Variants in MYOM2 observed in about 807,000 individuals in gnomAD.
MYOM2 encodes the protein myomesin-2.
In MYOM2, 254 loss-of-function variants were observed where a neutral mutation model predicts 187.6. That is an observed-to-expected ratio of 1.35 (90% CI 1.22 to 1.50). The LOEUF (loss-of-function observed/expected upper bound fraction) is 1.50, where lower values mean the gene tolerates loss of function less well. Ranked by LOEUF, MYOM2 falls within the 40% of genes most tolerant of loss-of-function variation. The pLI, the probability that MYOM2 is intolerant of heterozygous loss-of-function variation, is 0.00. For synonymous variants in MYOM2, 981 were observed against 753.8 expected (o/e 1.30, Z -4.94); for missense variants, 2,796 against 1,924.0 (o/e 1.45, Z -8.48).
chr8:2,066,562 A>G (rs1819026245), intron 6 of MYOM2, among the ~76,000 whole-genome samples: 1 of 152,246 alleles, frequency 6.6e-6, no homozygotes, highest in African/African-American at 2.4e-5. Context: ...AGAAGAAGTA[A>G]CATGAGCACA....
intron 31 of MYOM2, 34 bp downstream of exon 31, chr8:2,124,251 G>A (rs1272041892): frequency 5.0e-6 from 8 of 1,592,262 alleles, no homozygotes; most frequent in East Asian, 2.2e-5. Flanking sequence ...CAAGTCATTT[G>A]GGGTGCTGAA....
At chr8:2,088,975 G>A (rs1036687) in intron 14 of MYOM2, among the ~76,000 whole-genome samples, 114,412 of 151,624 alleles carry the variant, frequency 0.75, 44,835 homozygotes, top group South Asian at 0.91. Flanking sequence ...GGTCGCAAGG[G>A]CCTGAGGCCC....
chr8:2,059,741 A>G (rs979374828), intron 6 of MYOM2, among the ~76,000 whole-genome samples: 5 of 102,072 alleles, frequency 4.9e-5, no homozygotes, highest in African/African-American at 1.8e-4. Context: ...CGACACACAC[A>G]CTTTTTTTTT....
At chr8:2,075,015 G>A (rs966529569) in intron 10 of MYOM2, among the ~76,000 whole-genome samples, 1 of 152,264 alleles carries the variant, frequency 6.6e-6, no homozygotes, top group Non-Finnish European at 1.5e-5. Flanking sequence ...CTCCAGTGGG[G>A]TGCAGGACGC....
At chr8:2,097,013 C>T in intron 18 of MYOM2, 1 of 569,396 alleles carries the variant, frequency 1.8e-6, no homozygotes, top group Non-Finnish European at 2.2e-6. Context: ...CCCTGTCCGG[C>T]CCTTGACCCC....
intron 28 of MYOM2, among the ~76,000 whole-genome samples, chr8:2,118,308 G>A (rs939414047): frequency 7.9e-5 from 12 of 152,196 alleles, no homozygotes; most frequent in African/African-American, 2.9e-4. Context: ...GGAAAGGCAT[G>A]CTTTGGAGAC....
intron 13 of MYOM2, among the ~76,000 whole-genome samples, chr8:2,081,051 T>C (rs1585867569): frequency 7.3e-6 from 1 of 137,926 alleles, no homozygotes; most frequent in East Asian, 2.2e-4. Context: ...GCCCAGCCCG[T>C]GCAGAATGAG....
chr8:2,143,947 T>C (rs1798367752), intron 36 of MYOM2, among the ~76,000 whole-genome samples: 2 of 152,356 alleles, frequency 1.3e-5, no homozygotes, highest in East Asian at 1.9e-4. Context: ...AAGCCACTTA[T>C]TGGAGTTTAA....
intron 19 of MYOM2, 133 bp downstream of exon 19, chr8:2,099,116 A>G (rs1222494022): frequency 8.9e-6 from 11 of 1,235,428 alleles, no homozygotes; most frequent in South Asian, 1.6e-5. Flanking sequence ...CCGCAGAGCC[A>G]CCGTGCGCCA....
At chr8:2,084,875 G>C (rs1033680944) in intron 13 of MYOM2, 1 of 173,736 alleles carries the variant, frequency 5.8e-6, no homozygotes, top group Non-Finnish European at 1.2e-5. Context: ...CTCCATCCGC[G>C]GTGCTTCTGT....
intron 32 of MYOM2, among the ~76,000 whole-genome samples, chr8:2,136,865 G>A (rs73657776): frequency 0.13 from 19,917 of 152,182 alleles, 2,201 homozygotes; most frequent in African/African-American, 0.28. Context: ...GAACATAAAC[G>A]CCGCAAAGGC....
At position 2,133,783 on chromosome 8, in the gene MYOM2, T is replaced by C. The variant is rs543391495; in HGVS notation, c.3800+4551T>C. Among the ~76,000 whole-genome samples the C allele has an allele frequency of 3.9e-5, 6 of 152,330 alleles. No homozygotes were observed. In the South Asian group the frequency reaches 1.2e-3, roughly 32 times the overall value. On this transcript the variant is annotated intron_variant, in intron 32 of 36. Transcript: ENST00000262113. Reference sequence around the variant, plus strand: ...GTCTGTCAGTCATTGATCTCAGACTTAGTTTTTAGATTTTTACACTTGTGT... The same window carrying C: ...GTCTGTCAGTCATTGATCTCAGACTCAGTTTTTAGATTTTTACACTTGTGT...
rs956891159 is a variant in MYOM2 at position 2,093,914 on chromosome 8, G to A, written c.2004-56G>A. 3 of 1,589,856 alleles carry A rather than the reference G, an allele frequency of 1.9e-6. No individual in the cohort carries two copies. In the South Asian group the frequency reaches 3.4e-5, roughly 18 times the overall value. ...GTTCAGGGTGATTTTTGCTTCTGCT[G>A]CAGGAGAGAAAAAGTGGAGCCTGGC... On this transcript the variant is annotated intron_variant, in intron 16 of 36. Transcript: ENST00000262113.
chr8:2,050,722 G>T, intron 1 of MYOM2, 33 bp from the exon 2 acceptor site: 1 of 1,317,310 alleles, frequency 7.6e-7, no homozygotes, highest in South Asian at 1.2e-5. Flanking sequence ...TGCTTGCGAG[G>T]GAGCTCAGTG....
Position 2,098,962 on chromosome 8 carries a change from G to A in MYOM2, c.2419G>A (p.Ala807Thr), listed in dbSNP as rs746189413. The change falls in exon 19 of 37, where the codon GCC (alanine) becomes ACC (threonine). Residue 807 changes from alanine (A) to threonine (T), a missense_variant. Transcript: ENST00000262113. Reference protein sequence around the residue: ...SDPSEHFKCEAWTMPEPGPAY... With the variant: ...SDPSEHFKCETWTMPEPGPAY... ...TCCCAGTGAGCACTTCAAGTGTGAG[G>A]CCTGGACCATGCCGGAGCCCGGTGA... is the stretch of plus-strand genomic sequence containing the variant. The A allele has an allele frequency of 1.7e-5, 27 of 1,610,780 alleles. No individual in the cohort carries two copies. In the South Asian group the frequency reaches 2.6e-4, roughly 16 times the overall value.
intron 24 of MYOM2, chr8:2,109,147 C>G (rs953237309): frequency 1.9e-6 from 1 of 531,742 alleles, no homozygotes; most frequent in Admixed American, 3.7e-5. Context: ...TAGAAAGAAT[C>G]CAGGCATCTT....
At chr8:2,103,060 G>C (rs935726166) in intron 21 of MYOM2, among the ~76,000 whole-genome samples, 6 of 151,884 alleles carry the variant, frequency 4.0e-5, no homozygotes, top group African/African-American at 1.5e-4. Context: ...GAGTGTGCAT[G>C]TATTATGTGT....
At position 2,096,278 on chromosome 8, in the gene MYOM2, C is replaced by T. The variant is rs200368053; in HGVS notation, c.2157C>T (p.Leu719=). 3.3e-4 allele frequency: 539 copies of T among 1,614,174 alleles called. 6 individuals carry two copies. The South Asian group carries it at 4.5e-3, about 14-fold the overall frequency. The change falls in exon 18 of 37, where the codon CTC becomes CTT. Residue 719 remains leucine (L), a synonymous_variant. Transcript: ENST00000262113. The part of the protein sequence containing the change: ...TVPSHPYGIT[L]LNCDGHSMTL... ...CGTCCCATCCTTATGGGATTACGCT[C>T]CTCAACTGTGACGGCCACTCCATGA... is the stretch of plus-strand genomic sequence containing the variant.
chr8:2,070,752 C>T (rs991879405), intron 8 of MYOM2, among the ~76,000 whole-genome samples: 52 of 152,250 alleles, frequency 3.4e-4, no homozygotes, highest in African/African-American at 1.2e-3. Context: ...ATTTTTGCTT[C>T]AGTTGTTTTT....
Sources: gnomAD v4.1 joint callset for allele counts (sites outside exome capture counted in the v4.1 genomes callset) on GRCh38, gnomAD v4.1.1 for gene constraint, MANE v1.5 for transcripts, NCBI Gene and HGNC (gene_info 2026-07-23, HGNC 2026-07-21) for gene names.